The following UGT1A6 variants were observed in gnomAD, a reference collection of about 807,000 sequenced individuals.
UGT1A6 encodes the protein UDP glucuronosyltransferase family 1 member A6.
In UGT1A6, 32 loss-of-function variants were observed where a neutral mutation model predicts 44.4. The observed-to-expected ratio is 0.72, with a 90% CI of 0.54 to 0.97. UGT1A6 has a LOEUF of 0.97. Ranked by LOEUF, UGT1A6 falls within the 50% of genes least tolerant of loss-of-function variation. UGT1A6 has a pLI of 0.00. For missense variants in UGT1A6, 685 were observed against 661.9 expected, an observed-to-expected ratio of 1.03 and a Z score of -0.38; for synonymous variants, 238 against 248.5, an observed-to-expected ratio of 0.96 and a Z score of 0.40.
At chr2:233,724,456 G>A (rs1266099425) in intron 1 of UGT1A6, among the ~76,000 whole-genome samples, 5 of 126,746 alleles carry the variant, frequency 3.9e-5, no homozygotes, top group Admixed American at 7.7e-5. Flanking sequence ...GGCAGCTGCC[G>A]GGCGGAGGGG....
At chr2:233,702,425 T>G (rs1292144360) in intron 1 of UGT1A6, among the ~76,000 whole-genome samples, 1 of 152,216 alleles carries the variant, frequency 6.6e-6, no homozygotes, top group East Asian at 1.9e-4. Flanking sequence ...GCGTTACTTC[T>G]TCCTTTCTAA....
At chr2:233,715,777 A>C (rs1241643049) in intron 1 of UGT1A6, among the ~76,000 whole-genome samples, 12 of 152,166 alleles carry the variant, frequency 7.9e-5, no homozygotes, top group Admixed American at 1.3e-4. Context: ...ATCTCAAAAA[A>C]ATAAAAATTT....
chr2:233,705,514 T>C (rs2075854152), intron 1 of UGT1A6, among the ~76,000 whole-genome samples: 3 of 152,040 alleles, frequency 2.0e-5, no homozygotes, highest in African/African-American at 4.8e-5. Context: ...AGAATCAGGG[T>C]GGGGAGATTA....
At chr2:233,760,728 C>T (rs1697540030) in intron 1 of UGT1A6, 1 of 1,614,064 alleles carries the variant, frequency 6.2e-7, no homozygotes, top group African/African-American at 1.3e-5. Context: ...GCTTTGATGT[C>T]ATGCTGACGG....
chr2:233,764,221 A>G (rs1437910759), intron 1 of UGT1A6, among the ~76,000 whole-genome samples: 2 of 152,128 alleles, frequency 1.3e-5, no homozygotes, highest in African/African-American at 2.4e-5. Context: ...AAGGGAATCA[A>G]TGGTGGGGGA....
intron 1 of UGT1A6, chr2:233,713,795 G>C: frequency 6.2e-7 from 1 of 1,614,030 alleles, no homozygotes; most frequent in East Asian, 2.2e-5. Flanking sequence ...ACCCCAGGCC[G>C]ATCATGCCCA....
At chr2:233,750,273 A>T (rs1048305257) in intron 1 of UGT1A6, among the ~76,000 whole-genome samples, 6 of 151,954 alleles carry the variant, frequency 3.9e-5, no homozygotes, top group African/African-American at 1.5e-4. Context: ...TGCTTTAGCA[A>T]AGAGACTGGT....
chr2:233,695,308 T>C (rs1203314854), intron 1 of UGT1A6, among the ~76,000 whole-genome samples: 1 of 151,942 alleles, frequency 6.6e-6, no homozygotes, highest in Non-Finnish European at 1.5e-5. Context: ...GCATTTTTAG[T>C]AGAGGCGGGG....
intron 1 of UGT1A6, chr2:233,754,390 C>T (rs1695467678): frequency 3.3e-6 from 1 of 303,086 alleles, no homozygotes; most frequent in Admixed American, 4.5e-5. Context: ...AACAGAGGTC[C>T]TATCCGTGCA....
intron 1 of UGT1A6, chr2:233,719,279 C>G (rs371816622): frequency 1.2e-6 from 2 of 1,613,960 alleles, no homozygotes; most frequent in Non-Finnish European, 1.7e-6. Context: ...TAACAGACCC[C>G]GTTAACCTCT....
intron 2 of UGT1A6, 103 bp downstream of exon 2, chr2:233,767,268 G>C: frequency 6.3e-7 from 1 of 1,584,094 alleles, no homozygotes; most frequent in Non-Finnish European, 8.5e-7. Flanking sequence ...CCTTAGATTT[G>C]GCTTTTCCCT....
intron 1 of UGT1A6, among the ~76,000 whole-genome samples, chr2:233,718,559 T>C (rs2076663829): frequency 6.6e-6 from 1 of 152,220 alleles, no homozygotes; most frequent in South Asian, 2.1e-4. Flanking sequence ...AAAGAAGAGC[T>C]TGAACTTGGA....
At chr2:233,713,889 T>A (rs769338020) in intron 1 of UGT1A6, 2 of 1,613,388 alleles carry the variant, frequency 1.2e-6, no homozygotes, top group South Asian at 2.2e-5. Context: ...CCAATCAATG[T>A]TCCAGGCAAA....
intron 1 of UGT1A6, among the ~76,000 whole-genome samples, chr2:233,764,613 G>C (rs1465626858): frequency 6.6e-6 from 1 of 152,080 alleles, no homozygotes; most frequent in Admixed American, 6.5e-5. Context: ...GTAAGAGTGG[G>C]TTTCATGAAG....
intron 1 of UGT1A6, among the ~76,000 whole-genome samples, chr2:233,710,341 A>G (rs553386954): frequency 8.9e-4 from 135 of 152,236 alleles, no homozygotes; most frequent in Non-Finnish European, 1.7e-3. Flanking sequence ...AAACAGTCGA[A>G]CTGTTTCCAA....
intron 1 of UGT1A6, among the ~76,000 whole-genome samples, chr2:233,730,768 A>G (rs1007690415): frequency 3.9e-5 from 6 of 152,134 alleles, no homozygotes; most frequent in African/African-American, 1.4e-4. Flanking sequence ...TGAATCTATA[A>G]GCCCAGTGAA....
At chr2:233,736,574 T>G (rs2078777492) in intron 1 of UGT1A6, among the ~76,000 whole-genome samples, 2 of 152,254 alleles carry the variant, frequency 1.3e-5, no homozygotes, top group South Asian at 4.1e-4. Flanking sequence ...GCTGTGATCC[T>G]TTGGAGGAGA....
intron 1 of UGT1A6, chr2:233,753,724 A>C (rs1430811344): frequency 6.6e-6 from 1 of 152,226 alleles, no homozygotes; most frequent in Admixed American, 6.5e-5. Flanking sequence ...CTAATTTGAT[A>C]TGCCCCAAGC....
rs1699908035 is a variant in UGT1A6, at chr2:233,769,628, A to G, written c.1301+1189A>G. 6.2e-7 allele frequency: 1 copy of G among 1,611,940 alleles called. No individual in the cohort carries two copies. The highest frequency in any genetic ancestry group is 8.5e-7 in the Non-Finnish European group (1 of 1,179,468). Reference sequence around the variant, plus strand: ...GACACACCAGCTTGAGCAAGGGACAACAGGGGAGGACTGATGACTGACTTC... The same window carrying G: ...GACACACCAGCTTGAGCAAGGGACAGCAGGGGAGGACTGATGACTGACTTC... On this transcript the variant is annotated intron_variant, in intron 4 of 4. Transcript: ENST00000305139. This position sits in a 1 kb window ranked among gnomAD's most constrained non-coding sequence, Gnocchi z 4.4.
Sources: gnomAD v4.1 joint callset for allele counts (sites outside exome capture counted in the v4.1 genomes callset) on GRCh38, gnomAD v4.1.1 for gene constraint, Gnocchi (gnomAD v3.1) non-coding constraint, MANE v1.5 for transcripts, NCBI Gene and HGNC (gene_info 2026-07-23, HGNC 2026-07-21) for gene names.